The following CADM1 variants were observed in gnomAD, a reference collection of about 807,000 sequenced individuals.
CADM1 encodes the protein cell adhesion molecule 1, also known as TSLC-1.
In CADM1, 15 loss-of-function variants were observed where a neutral mutation model predicts 53.1. That is an observed-to-expected ratio of 0.28 (90% CI 0.19 to 0.44). The LOEUF (loss-of-function observed/expected upper bound fraction) is 0.44. Among genes scored for constraint, CADM1 ranks in the 20% least tolerant of loss-of-function variants. CADM1 has a pLI of 1.00. For missense variants in CADM1, 434 were observed against 611.3 expected (o/e 0.71, Z 3.06); for synonymous variants, 281 against 243.0 (o/e 1.16, Z -1.45).
intron 1 of CADM1, among the ~76,000 whole-genome samples, chr11:115,298,420 A>G (rs1001591958): frequency 6.6e-6 from 1 of 152,202 alleles, no homozygotes. Context: ...GATGAGACCC[A>G]GTCACTAGAT....
intron 1 of CADM1, among the ~76,000 whole-genome samples, chr11:115,428,589 T>A (rs1947957818): frequency 6.6e-6 from 1 of 152,178 alleles, no homozygotes; most frequent in Non-Finnish European, 1.5e-5. Flanking sequence ...CAATATGTTG[T>A]GTGTTCATGT....
intron 11 of CADM1, among the ~76,000 whole-genome samples, chr11:115,177,673 T>G (rs1476071298): frequency 7.2e-6 from 1 of 138,884 alleles, no homozygotes; most frequent in Non-Finnish European, 1.6e-5. Flanking sequence ...CCTGTCTCTG[T>G]CAAGCTTACC....
At chr11:115,198,327 CT>C (rs1219640590) in intron 9 of CADM1, 78 bp downstream of exon 9, 32 of 1,058,886 alleles carry the variant, frequency 3.0e-5, no homozygotes, top group Admixed American at 2.0e-4. Flanking sequence ...CCCTTGAAGA[CT>C]ACATTTCTCT....
intron 10 of CADM1, among the ~76,000 whole-genome samples, chr11:115,186,170 C>G (rs1377414945): frequency 2.0e-5 from 3 of 152,126 alleles, no homozygotes; most frequent in African/African-American, 7.2e-5. Context: ...GTATGAAACT[C>G]AGTTTTAAAA....
rs78421724 is a variant in CADM1 at position 115,197,909 on chromosome 11, C to T, written c.1111+497G>A. On this transcript the variant is annotated intron_variant, in intron 9 of 11. Coordinates refer to ENST00000331581, the MANE Select transcript of CADM1 (RefSeq NM_001301043.2). ...TGACCTTTCTAAAGAAGAACAATGACCTTCCTCATCAGAAGCTCACGATTT... is the reference window on the plus strand; with the variant it reads ...TGACCTTTCTAAAGAAGAACAATGATCTTCCTCATCAGAAGCTCACGATTT... Among the ~76,000 whole-genome samples, 1,236 of 152,246 alleles carry T rather than the reference C, an allele frequency of 8.1e-3. 3 individuals carry two copies. The highest frequency in any genetic ancestry group is 0.011 in the Non-Finnish European group (781 of 68,026).
Position 115,176,598 on chromosome 11 carries a change from A to C in CADM1, c.1298-6T>G. 6.2e-7 allele frequency: 1 copy of C among 1,612,734 alleles called. No homozygotes were observed. Among genetic ancestry groups the C allele is most frequent in the Non-Finnish European group, 8.5e-7 (1 of 1,178,744 alleles). ...TTCATGAGTGAAGTATGTACCTGAA[A>C]GATGAAGGGGTAAAGCACCGTGACT... is the stretch of plus-strand genomic sequence containing the variant. On this transcript the variant is annotated splice_region_variant and splice_polypyrimidine_tract_variant and intron_variant, in intron 11 of 11. Transcript: ENST00000331581.
At chr11:115,234,890 C>T (rs1686788626) in intron 3 of CADM1, among the ~76,000 whole-genome samples, 1 of 59,934 alleles carries the variant, frequency 1.7e-5, no homozygotes, top group African/African-American at 1.0e-4. Flanking sequence ...GAGACTCCGT[C>T]TCCAAAAAAA....
chr11:115,279,866 C>T (rs1418502002), intron 1 of CADM1, among the ~76,000 whole-genome samples: 4 of 152,148 alleles, frequency 2.6e-5, no homozygotes, highest in East Asian at 1.9e-4. Context: ...TATTTAGCTC[C>T]TACCCAGCTC....
At chr11:115,288,370 T>G (rs1565345284) in intron 1 of CADM1, among the ~76,000 whole-genome samples, 1 of 152,194 alleles carries the variant, frequency 6.6e-6, no homozygotes, top group East Asian at 1.9e-4. Context: ...GACAGGGTTT[T>G]GTTACTTGCA....
intron 1 of CADM1, among the ~76,000 whole-genome samples, chr11:115,466,595 T>A (rs995848651): frequency 6.6e-6 from 1 of 152,232 alleles, no homozygotes; most frequent in Non-Finnish European, 1.5e-5. Flanking sequence ...CAGAATAACA[T>A]GTTGCACCAA....
chr11:115,298,012 C>T (rs1265285470), intron 1 of CADM1, among the ~76,000 whole-genome samples: 1 of 152,150 alleles, frequency 6.6e-6, no homozygotes, highest in Non-Finnish European at 1.5e-5. Context: ...TGGATTCTCT[C>T]ATCACACAGA....
intron 9 of CADM1, among the ~76,000 whole-genome samples, chr11:115,191,474 G>A (rs117167163): frequency 1.0e-3 from 153 of 152,254 alleles, no homozygotes; most frequent in East Asian, 1.7e-3. Flanking sequence ...AATCTGATTC[G>A]CAAAATGATT....
intron 1 of CADM1, among the ~76,000 whole-genome samples, chr11:115,474,797 T>C (rs1231588528): frequency 6.6e-6 from 1 of 152,004 alleles, no homozygotes; most frequent in Non-Finnish European, 1.5e-5. Flanking sequence ...TGTATACATA[T>C]GTAACAAACC....
At chr11:115,336,044 C>T (rs1302163775) in intron 1 of CADM1, among the ~76,000 whole-genome samples, 1 of 152,022 alleles carries the variant, frequency 6.6e-6, no homozygotes, top group Non-Finnish European at 1.5e-5. Context: ...AAGTATGTAG[C>T]AAAAATGCTT....
At chr11:115,452,803 G>A (rs1948603528) in intron 1 of CADM1, among the ~76,000 whole-genome samples, 1 of 152,032 alleles carries the variant, frequency 6.6e-6, no homozygotes. Flanking sequence ...AAAGTACAAA[G>A]TTTACATTGG....
chr11:115,234,824 C>T (rs559949165), intron 3 of CADM1, among the ~76,000 whole-genome samples: 8 of 128,094 alleles, frequency 6.2e-5, no homozygotes, highest in East Asian at 2.5e-4. Flanking sequence ...ACTCAGGAGG[C>T]GGAGGTTGAA....
At chr11:115,358,373 C>T (rs544615940) in intron 1 of CADM1, among the ~76,000 whole-genome samples, 4 of 152,188 alleles carry the variant, frequency 2.6e-5, no homozygotes, top group East Asian at 1.9e-4. Flanking sequence ...ACAATCATGG[C>T]GGAAGGTGAA....
At chr11:115,195,635 G>T (rs1204723182) in intron 9 of CADM1, among the ~76,000 whole-genome samples, 1 of 152,194 alleles carries the variant, frequency 6.6e-6, no homozygotes, top group Non-Finnish European at 1.5e-5. Context: ...TAATGAAGAA[G>T]TTGGGTTTTC....
intron 1 of CADM1, among the ~76,000 whole-genome samples, chr11:115,289,854 C>T (rs1943840735): frequency 6.6e-6 from 1 of 152,102 alleles, no homozygotes; most frequent in Non-Finnish European, 1.5e-5. Context: ...CTCGGCCTCC[C>T]AAAGTGCTGG....
Sources: gnomAD v4.1 joint callset for allele counts (sites outside exome capture counted in the v4.1 genomes callset) on GRCh38, gnomAD v4.1.1 for gene constraint, MANE v1.5 for transcripts, NCBI Gene and HGNC (gene_info 2026-07-23, HGNC 2026-07-21) for gene names.